The following FOXF2 variants were observed in gnomAD, a reference collection of about 807,000 sequenced individuals.
FOXF2 encodes forkhead box F2, also known as forkhead box protein F2.
FOXF2 carries 15 observed loss-of-function variants against 29.1 expected under a neutral mutation model. The ratio of observed to expected loss-of-function variants is 0.52; its 90% CI spans 0.35 to 0.79. FOXF2 has a LOEUF of 0.79. Among genes scored for constraint, FOXF2 ranks in the 30% least tolerant of loss-of-function variants. The pLI is 0.01. For synonymous variants in FOXF2, 337 were observed against 316.5 expected, an observed-to-expected ratio of 1.06 and a Z score of -0.69; for missense variants, 675 against 667.1, an observed-to-expected ratio of 1.01 and a Z score of -0.13.
In FOXF2 at chr6:1,391,089, T is replaced by G; in HGVS notation, c.1142T>G (p.Leu381Trp). ...MSSYSLEQSYLHQNAREDLSV... is the reference protein window; with the variant it reads ...MSSYSLEQSYWHQNAREDLSV... The stretch of plus-strand genomic sequence containing the variant: ...TCCTACTCGCTGGAGCAGAGCTACT[T>G]GCACCAGAACGCTCGCGAGGACCTC... The change falls in exon 1 of 2, where the codon TTG becomes TGG. Residue 381 changes from leucine (L) to tryptophan (W), a missense_variant. This residue lies in a region of FOXF2 where 451 missense variants were observed against 437.2 expected (regional missense o/e 1.03). Coordinates refer to ENST00000645481, the MANE Select transcript of FOXF2 (RefSeq NM_001452.2). 1 of 1,603,786 alleles carries G rather than the reference T, an allele frequency of 6.2e-7. No individual in the cohort carries two copies. Among genetic ancestry groups the G allele is most frequent in the Non-Finnish European group, 8.5e-7 (1 of 1,179,734 alleles).
intron 1 of FOXF2, among the ~76,000 whole-genome samples, chr6:1,391,744 G>A (rs1393433068): frequency 2.1e-5 from 3 of 140,318 alleles, no homozygotes; most frequent in Admixed American, 1.4e-4. Context: ...CTCCCCCCCC[G>A]CCCAACAATG....
Position 1,390,034 on chromosome 6 carries a change from CCCGCCGCCCGCCGCCGCCG to C in FOXF2, c.96_114del (p.Ala33ProfsTer83). On this transcript the variant is annotated frameshift_variant, in exon 1 of 2. Coordinates refer to ENST00000645481, the MANE Select transcript of FOXF2 (RefSeq NM_001452.2). LOFTEE classifies it high-confidence loss of function. This position sits in a 1 kb window ranked among gnomAD's most constrained non-coding sequence, Gnocchi z 8.5. ...GCGCGCTCCAGGCCGCCCTGATGAG[CCCGCCGCCCGCCGCCGCCG>C]CCGCCGCCGCCGCCGCCCCGGAGAC... 2.2e-6 allele frequency: 3 copies of C among 1,353,590 alleles called. No individual in the cohort carries two copies. Among genetic ancestry groups the C allele is most frequent in the Non-Finnish European group, 1.9e-6 (2 of 1,048,406 alleles). 83.8% of individuals were successfully genotyped at this position (1,353,590 alleles called of 1,614,324 possible).
chr6:1,390,829 C>CG lies in FOXF2; in HGVS notation c.887dup (p.Val297ArgfsTer109). 1 of 1,392,292 alleles carries CG rather than the reference C, an allele frequency of 7.2e-7. No individual in the cohort carries two copies. The highest frequency in any genetic ancestry group is 1.7e-5 in the South Asian group (1 of 59,800). The allele number at this position is 1,392,292 out of a possible 1,614,324, so 86.2% of individuals were successfully genotyped here. A position where few individuals can be genotyped will look rare whatever the true frequency, so the allele number is the denominator to read the frequency against. ...CCAGCTGCCCGGTGCCCGCGGGACC[C>CG]GGGGGCGTCGGTGCGGCCGGGGGCG... On this transcript the variant is annotated frameshift_variant, in exon 1 of 2. Coordinates refer to ENST00000645481, the MANE Select transcript of FOXF2 (RefSeq NM_001452.2). LOFTEE classifies it high-confidence loss of function. This position sits in a 1 kb window ranked among gnomAD's most constrained non-coding sequence, Gnocchi z 8.5.
Position 1,394,851 on chromosome 6 carries a change from G to A in FOXF2, c.1327G>A (p.Val443Ile), listed in dbSNP as rs181428616. Residue 443 changes from valine to isoleucine, a missense_variant, in exon 2 of 2, where the codon GTC becomes ATC. Around this residue, in one of 3 missense-constraint regions of FOXF2, gnomAD observed 451 missense variants for 437.2 expected, o/e 1.03. Transcript: ENST00000645481. The stretch of plus-strand genomic sequence containing the variant: ...CGTCTGTCAGGATATTAAGCCCTGC[G>A]TCATGTGAACGGAAAGAGGCCAAGC... ...QSVCQDIKPC[V>I]M is the part of the protein sequence containing the mutation. 1.4e-5 allele frequency: 22 copies of A among 1,614,050 alleles called. No homozygotes were observed. In the East Asian group the frequency reaches 1.6e-4, roughly 11 times the overall value.
rs1270677274 is a variant in FOXF2 at position 1,390,508 on chromosome 6, C to T, written c.561C>T (p.Gly187=). 3 of 1,610,824 alleles carry T rather than the reference C, an allele frequency of 1.9e-6. No individual in the cohort carries two copies. Among genetic ancestry groups the T allele is most frequent in the Admixed American group, 1.7e-5 (1 of 59,990 alleles). ...CCAGCGAGTTCATGTTCGAGGAGGGCTCGTTCCGCCGCCGGCCGCGCGGCT... is the reference window on the plus strand; with the variant it reads ...CCAGCGAGTTCATGTTCGAGGAGGGTTCGTTCCGCCGCCGGCCGCGCGGCT... ...DPASEFMFEE[G]SFRRRPRGFR... is the part of the protein sequence containing the mutation. Residue 187 remains glycine, a synonymous_variant, in exon 1 of 2, where the codon GGC becomes GGT. Transcript: ENST00000645481. This position sits in a 1 kb window ranked among gnomAD's most constrained non-coding sequence, Gnocchi z 8.5.
Position 1,390,386 on chromosome 6 carries a change from T to A in FOXF2, c.439T>A (p.Ser147Thr), listed in dbSNP as rs1413545187. Residue 147 changes from serine (S) to threonine (T), a missense_variant, in exon 1 of 2, where the codon TCG becomes ACG. By Grantham distance (58) the Ser-to-Thr change is moderately conservative. Coordinates refer to ENST00000645481, the MANE Select transcript of FOXF2 (RefSeq NM_001452.2). This position sits in a 1 kb window ranked among gnomAD's most constrained non-coding sequence, Gnocchi z 8.5. ...FRGAYQGWKN[S>T]VRHNLSLNEC... Reference sequence around the variant, plus strand: ...CGGCGCCTACCAGGGCTGGAAGAACTCGGTGCGCCACAATCTCTCGCTCAA... The same window carrying A: ...CGGCGCCTACCAGGGCTGGAAGAACACGGTGCGCCACAATCTCTCGCTCAA... 1 of 1,612,072 alleles carries A rather than the reference T, an allele frequency of 6.2e-7. No homozygotes were observed.
intron 1 of FOXF2, among the ~76,000 whole-genome samples, chr6:1,394,085 C>A (rs894801495): frequency 3.3e-5 from 5 of 152,236 alleles, no homozygotes; most frequent in Non-Finnish European, 7.3e-5. Flanking sequence ...GTTCGGGACC[C>A]ACGAAGATGC....
Position 1,390,292 on chromosome 6 carries a change from C to G in FOXF2, c.345C>G (p.Ser115Arg). ...YIALIVMAIQ[S>R]SPSKRLTLSE... is the part of the protein sequence containing the mutation. ...CGCTCATCGTCATGGCCATCCAGAG[C>G]TCGCCCAGCAAGCGCCTGACGCTCA... Residue 115 changes from serine to arginine, a missense_variant, in exon 1 of 2, where the codon AGC becomes AGG. Ser to Arg is a moderately radical substitution (Grantham distance 110). This residue lies in a region of FOXF2 where 220 missense variants were observed against 205.5 expected (regional missense o/e 1.07). Transcript: ENST00000645481. The surrounding 1 kb of genome is among the most constrained non-coding windows in gnomAD (Gnocchi z 8.5). 2 of 1,612,942 alleles carry G rather than the reference C, an allele frequency of 1.2e-6. No homozygotes were observed. Among genetic ancestry groups the G allele is most frequent in the Non-Finnish European group, 1.7e-6 (2 of 1,179,886 alleles).
chr6:1,393,754 T>G (rs886155785), intron 1 of FOXF2, among the ~76,000 whole-genome samples: 1 of 152,182 alleles, frequency 6.6e-6, no homozygotes, highest in Non-Finnish European at 1.5e-5. Context: ...CCCGGGCGAA[T>G]GGACCTAACG....
Position 1,391,027 on chromosome 6 carries a change from C to T in FOXF2, c.1080C>T (p.Asn360=), listed in dbSNP as rs1023902699. 3 of 1,599,690 alleles carry T rather than the reference C, an allele frequency of 1.9e-6. No individual in the cohort carries two copies. The highest frequency in any genetic ancestry group is 2.7e-5 in the African/African-American group (2 of 74,852). Residue 360 remains asparagine, a synonymous_variant, in exon 1 of 2, where the codon AAC becomes AAT. Transcript: ENST00000645481. ...CGCCTGCCCTGACGCCCAGCAGCAA[C>T]CCCGCCGCCTCGGCAGGCCTGCACT... ...KQPPALTPSS[N]PAASAGLHSS...
chr6:1,394,204 G>A (rs2113372459), intron 1 of FOXF2, among the ~76,000 whole-genome samples: 1 of 152,312 alleles, frequency 6.6e-6, no homozygotes, highest in East Asian at 1.9e-4. Flanking sequence ...TGCGCTCGCT[G>A]CTGTGACCGG....
intron 1 of FOXF2, among the ~76,000 whole-genome samples, chr6:1,392,503 TCCCCG>T (rs1324786888): frequency 1.0e-4 from 13 of 126,198 alleles, no homozygotes; most frequent in Non-Finnish European, 3.4e-5. Context: ...CCCCTTCCCT[TCCCCG>T]CCTGCCTGCT....
Position 1,395,527 on chromosome 6 carries a change from C to G in FOXF2, c.*668C>G, listed in dbSNP as rs1758907693. ...ATTTTAAAAGGAGGATATATTTGCA[C>G]TTATGTATACTTTTACAGTTTGCCA... On this transcript the variant is annotated 3_prime_UTR_variant, in exon 2 of 2. Coordinates refer to ENST00000645481, the MANE Select transcript of FOXF2 (RefSeq NM_001452.2). 6.6e-6 allele frequency: 1 copy of G among 152,428 alleles called. No homozygotes were observed. The allele number at this position is 152,428 out of a possible 1,614,324, so 9.4% of individuals were successfully genotyped here.
chr6:1,394,311 A>G (rs1176998570), intron 1 of FOXF2, among the ~76,000 whole-genome samples: 1 of 152,178 alleles, frequency 6.6e-6, no homozygotes, highest in Non-Finnish European at 1.5e-5. Flanking sequence ...TCAGGGCAGC[A>G]CAGGCCAGGA....
Position 1,394,782 on chromosome 6 carries a change from C to T in FOXF2, c.1258C>T (p.His420Tyr), listed in dbSNP as rs770418864. 1.3e-5 allele frequency: 21 copies of T among 1,613,934 alleles called. No homozygotes were observed. In the South Asian group the frequency reaches 2.0e-4, roughly 15 times the overall value. Residue 420 changes from histidine (H) to tyrosine (Y), a missense_variant, in exon 2 of 2, where the codon CAT becomes TAT. Physicochemically the swap from His to Tyr is moderately conservative, Grantham distance 83. Around this residue, in one of 3 missense-constraint regions of FOXF2, gnomAD observed 451 missense variants for 437.2 expected, o/e 1.03. Coordinates refer to ENST00000645481, the MANE Select transcript of FOXF2 (RefSeq NM_001452.2). ...VLNFNGISSFHPSASGSYYHH... is the reference protein window; with the variant it reads ...VLNFNGISSFYPSASGSYYHH... ...CAACTTCAATGGGATTTCTTCTTTC[C>T]ATCCCTCAGCTAGCGGGTCGTATTA...
chr6:1,392,505 C>A (rs1758810189), intron 1 of FOXF2, among the ~76,000 whole-genome samples: 1 of 151,556 alleles, frequency 6.6e-6, no homozygotes, highest in Admixed American at 6.6e-5. Context: ...CCTTCCCTTC[C>A]CCGCCTGCCT....
Position 1,390,120 on chromosome 6 carries a change from C to T in FOXF2, c.173C>T (p.Ser58Leu), listed in dbSNP as rs1554124080. ...SSSSSSASCA[S>L]SSSSSNSASA... ...TCGTCGTCCTCCGCCTCCTGCGCCT[C>T]GTCCTCGTCCTCCTCCAATTCGGCC... Residue 58 changes from serine (S) to leucine (L), a missense_variant, in exon 1 of 2, where the codon TCG (serine) becomes TTG (leucine). By Grantham distance (145) the Ser-to-Leu change is moderately radical. Coordinates refer to ENST00000645481, the MANE Select transcript of FOXF2 (RefSeq NM_001452.2). This position sits in a 1 kb window ranked among gnomAD's most constrained non-coding sequence, Gnocchi z 8.5. 2 of 1,432,894 alleles carry T rather than the reference C, an allele frequency of 1.4e-6. No individual in the cohort carries two copies. Among genetic ancestry groups the T allele is most frequent in the Non-Finnish European group, 9.3e-7 (1 of 1,076,720 alleles). The allele number at this position is 1,432,894 out of a possible 1,614,324, so 88.8% of individuals were successfully genotyped here.
intron 1 of FOXF2, 39 bp downstream of exon 1, chr6:1,391,157 C>A (rs759981033): frequency 6.3e-7 from 1 of 1,595,426 alleles, no homozygotes. Flanking sequence ...CTGGGCGCAC[C>A]GCTTCTAGGC....
intron 1 of FOXF2, among the ~76,000 whole-genome samples, chr6:1,393,854 C>T (rs1484698835): frequency 6.6e-6 from 1 of 152,174 alleles, no homozygotes; most frequent in East Asian, 1.9e-4. Flanking sequence ...GGCCAGGAGG[C>T]GCCGAGAAAG....
Sources: allele counts gnomAD v4.1 joint callset (sites outside exome capture counted in the v4.1 genomes callset), GRCh38; gene constraint gnomAD v4.1.1; regional missense constraint gnomAD v4.1.1; non-coding constraint Gnocchi (gnomAD v3.1); transcripts MANE v1.5; gene names NCBI Gene and HGNC (gene_info 2026-07-23, HGNC 2026-07-21).